Variants in ARSJ observed in about 807,000 individuals in gnomAD.
ARSJ encodes the protein arylsulfatase family member J.
ARSJ carries 26 observed loss-of-function variants against 35.9 expected under a neutral mutation model. That is an observed-to-expected ratio of 0.72 (90% CI 0.53 to 1.00). ARSJ has a LOEUF of 1.00. ARSJ is among the 50% of genes least tolerant of loss of function. ARSJ has a pLI of 0.00. For missense variants in ARSJ, 667 were observed against 723.6 expected (o/e 0.92, Z 0.90); for synonymous variants, 294 against 267.6 (o/e 1.10, Z -0.96).
chr4:113,935,952 G>A (rs1444937867), intron 1 of ARSJ, among the ~76,000 whole-genome samples: 3 of 151,904 alleles, frequency 2.0e-5, no homozygotes, highest in Non-Finnish European at 2.9e-5. Context: ...ACAAATAAAT[G>A]TATAAATATA....
intron 1 of ARSJ, among the ~76,000 whole-genome samples, chr4:113,969,879 G>T (rs1271465124): frequency 1.3e-5 from 2 of 152,196 alleles, no homozygotes; most frequent in Non-Finnish European, 2.9e-5. Flanking sequence ...TGAGATTTAT[G>T]GAGATTATAA....
intron 1 of ARSJ, among the ~76,000 whole-genome samples, chr4:113,948,538 T>C (rs1025306690): frequency 3.7e-4 from 56 of 151,960 alleles, no homozygotes; most frequent in African/African-American, 1.2e-3. Flanking sequence ...TATCCTTTAT[T>C]ATGCTACGAT....
intron 1 of ARSJ, among the ~76,000 whole-genome samples, chr4:113,927,565 C>T (rs1243641061): frequency 6.6e-6 from 1 of 152,204 alleles, no homozygotes; most frequent in Admixed American, 6.5e-5. Context: ...AGGCAAATTG[C>T]TTCTGGGGTC....
At chr4:113,961,523 C>T (rs979911006) in intron 1 of ARSJ, among the ~76,000 whole-genome samples, 2 of 152,030 alleles carry the variant, frequency 1.3e-5, no homozygotes, top group African/African-American at 4.8e-5. Context: ...GCTGTTAACT[C>T]TTTGGCCCAG....
intron 1 of ARSJ, among the ~76,000 whole-genome samples, chr4:113,967,070 G>C (rs752944835): frequency 6.6e-6 from 1 of 152,170 alleles, no homozygotes; most frequent in Non-Finnish European, 1.5e-5. Flanking sequence ...TGATAGGATA[G>C]AGAAATTTTA....
intron 1 of ARSJ, among the ~76,000 whole-genome samples, chr4:113,956,355 T>A (rs1726180061): frequency 6.6e-6 from 1 of 152,056 alleles, no homozygotes; most frequent in African/African-American, 2.4e-5. Flanking sequence ...ACAGGAAGAC[T>A]AGGAGAAGGG....
At chr4:113,964,691 T>C (rs1166081276) in intron 1 of ARSJ, among the ~76,000 whole-genome samples, 1 of 152,056 alleles carries the variant, frequency 6.6e-6, no homozygotes, top group African/African-American at 2.4e-5. Flanking sequence ...TAAATCACCA[T>C]GGAGCGTTAA....
rs1562345603 is a variant in ARSJ at position 113,924,066 on chromosome 4, AATATATATAAATATATATATATATATAT to A, written c.399-20419_399-20392del. On this transcript the variant is annotated intron_variant, in intron 1 of 1. Transcript: ENST00000315366. ...ATATAAATATATATAAATATATATAAATATATATAAATATATATATATATATATATATATATATATATATATATATATA... is the reference window on the plus strand; with the variant it reads ...ATATAAATATATATAAATATATATAAATATATATATATATATATATATATA... Among the ~76,000 whole-genome samples, 7 of 107,474 alleles carry A rather than the reference AATATATATAAATATATATATATATATAT, an allele frequency of 6.5e-5. No homozygotes were observed. The Admixed American group carries it at 6.6e-4, about 10-fold the overall frequency. The allele number at this position is 107,474 out of a possible 152,430, so 70.5% of individuals were successfully genotyped here. A position where few individuals can be genotyped will look rare whatever the true frequency, so the allele number is the denominator to read the frequency against.
chr4:113,926,221 A>G (rs184722534), intron 1 of ARSJ, among the ~76,000 whole-genome samples: 16 of 152,138 alleles, frequency 1.1e-4, no homozygotes, highest in Admixed American at 1.0e-3. Flanking sequence ...TTTGTCACCA[A>G]TTTTCTAATC....
intron 1 of ARSJ, among the ~76,000 whole-genome samples, chr4:113,977,473 C>G (rs115774530): frequency 1.3e-5 from 2 of 152,288 alleles, no homozygotes; most frequent in Non-Finnish European, 2.9e-5. Context: ...AACAACTTCA[C>G]AGAAGCAAGG....
Position 113,909,196 on chromosome 4 carries a change from G to A in ARSJ, c.399-5521C>T, listed in dbSNP as rs114047121. Reference sequence around the variant, plus strand: ...ATTTGTTGCTTTTATAACCTGGAGAGTGGTGGATAGTTCAACTCCTCTCTG... The same window carrying A: ...ATTTGTTGCTTTTATAACCTGGAGAATGGTGGATAGTTCAACTCCTCTCTG... On this transcript the variant is annotated intron_variant, in intron 1 of 1. Transcript: ENST00000315366. Among the ~76,000 whole-genome samples the A allele has an allele frequency of 1.5e-3, 224 of 152,252 alleles. 1 individual carries two copies. Among genetic ancestry groups the A allele is most frequent in the Non-Finnish European group, 2.2e-3 (153 of 68,012 alleles).
intron 1 of ARSJ, among the ~76,000 whole-genome samples, chr4:113,962,647 T>C (rs1235816995): frequency 6.6e-6 from 1 of 152,022 alleles, no homozygotes; most frequent in Non-Finnish European, 1.5e-5. Flanking sequence ...CTCTGTCCCA[T>C]GATCTCTCAC....
intron 1 of ARSJ, among the ~76,000 whole-genome samples, chr4:113,967,284 T>C (rs1321133568): frequency 6.6e-6 from 1 of 152,182 alleles, no homozygotes; most frequent in Non-Finnish European, 1.5e-5. Context: ...TCATTTCTGA[T>C]ATGGATTCTA....
chr4:113,921,235 G>T (rs1723659886), intron 1 of ARSJ, among the ~76,000 whole-genome samples: 1 of 151,980 alleles, frequency 6.6e-6, no homozygotes. Context: ...AAAGAATCTT[G>T]CTGACATATG....
intron 1 of ARSJ, among the ~76,000 whole-genome samples, chr4:113,931,563 G>T (rs959575001): frequency 2.6e-5 from 4 of 151,976 alleles, no homozygotes; most frequent in African/African-American, 9.7e-5. Flanking sequence ...ATGTCTTCAA[G>T]AAACTATTTT....
chr4:113,924,026 T>TATATATATAA (rs1357471331), intron 1 of ARSJ, among the ~76,000 whole-genome samples: 5 of 128,674 alleles, frequency 3.9e-5, no homozygotes, highest in East Asian at 2.2e-4. Flanking sequence ...AATCTACATA[T>TATATATATAA]ATATATATAA....
intron 1 of ARSJ, among the ~76,000 whole-genome samples, chr4:113,962,671 A>G (rs916663266): frequency 3.3e-5 from 5 of 151,884 alleles, no homozygotes; most frequent in African/African-American, 1.2e-4. Context: ...GGTTAATGCT[A>G]TGGTCTCTTT....
At chr4:113,935,989 C>T (rs537453565) in intron 1 of ARSJ, among the ~76,000 whole-genome samples, 27 of 152,036 alleles carry the variant, frequency 1.8e-4, no homozygotes, top group African/African-American at 4.8e-4. Flanking sequence ...GAATGTTAAA[C>T]AGTATTTGCT....
chr4:113,906,997 G>A (rs963836570), intron 1 of ARSJ, among the ~76,000 whole-genome samples: 1 of 152,206 alleles, frequency 6.6e-6, no homozygotes, highest in Non-Finnish European at 1.5e-5. Flanking sequence ...AAATAGAGAT[G>A]TAGAGAAGTT....
Sources: allele counts gnomAD v4.1 joint callset (sites outside exome capture counted in the v4.1 genomes callset), GRCh38; gene constraint gnomAD v4.1.1; transcripts MANE v1.5; gene names NCBI Gene and HGNC (gene_info 2026-07-23, HGNC 2026-07-21).